Variants in NME8 observed in about 807,000 individuals in gnomAD.
NME8 encodes protein NME8.
NME8 carries 72 observed loss-of-function variants against 82.3 expected under a neutral mutation model. The observed-to-expected ratio is 0.87, with a 90% CI of 0.72 to 1.06. NME8 has a LOEUF of 1.06. Among genes scored for constraint, NME8 ranks in the 50% least tolerant of loss-of-function variants. NME8 has a pLI of 0.00. For missense variants in NME8, 712 were observed against 685.4 expected (o/e 1.04, Z -0.43); for synonymous variants, 267 against 228.5 (o/e 1.17, Z -1.52).
chr7:37,853,648 G>T (rs1421070990), intron 5 of NME8, among the ~76,000 whole-genome samples: 1 of 152,098 alleles, frequency 6.6e-6, no homozygotes, highest in Non-Finnish European at 1.5e-5. Flanking sequence ...AAAGGTGAAA[G>T]AAAATTATAT....
rs766933294 is a variant in NME8 at position 37,857,334 on chromosome 7, CT to C, written c.260del (p.Leu87ProfsTer27). 9 of 1,607,096 alleles carry C rather than the reference CT, an allele frequency of 5.6e-6. No homozygotes were observed. The highest frequency in any genetic ancestry group is 1.3e-5 in the African/African-American group (1 of 74,834). ...TAGAGATAAATGTGAACCTGTTTTT[CT>C]CTTTAGTGTTGTAAGTATATTTACT... is the stretch of plus-strand genomic sequence containing the variant. The part of the protein sequence containing the change: ...PFRDKCEPVF[L>X]FSVNGKIIEK... On this transcript the variant is annotated frameshift_variant, in exon 6 of 18. Transcript: ENST00000199447. LOFTEE classifies it high-confidence loss of function.
At chr7:37,890,193 TG>T (rs2131971946) in intron 15 of NME8, among the ~76,000 whole-genome samples, 1 of 152,110 alleles carries the variant, frequency 6.6e-6, no homozygotes, top group African/African-American at 2.4e-5. Flanking sequence ...TTTTTAGGCT[TG>T]TCTCACACAT....
rs981830782 is a variant in NME8, at chr7:37,857,355, T to C, written c.270+10T>C. ...TTTTCTCTTTAGTGTTGTAAGTATA[T>C]TTACTTTCTCAATTGCATTATCAGA... On this transcript the variant is annotated intron_variant, in intron 6 of 17. Coordinates refer to ENST00000199447, the MANE Select transcript of NME8 (RefSeq NM_016616.5). 26 of 1,566,042 alleles carry C rather than the reference T, an allele frequency of 1.7e-5. No individual in the cohort carries two copies. The highest frequency in any genetic ancestry group is 2.2e-5 in the Non-Finnish European group (25 of 1,137,330).
At chr7:37,865,750 T>C (rs1377760007) in intron 10 of NME8, 133 bp downstream of exon 10, 1 of 674,402 alleles carries the variant, frequency 1.5e-6, no homozygotes, top group Non-Finnish European at 2.7e-6. Context: ...TCCCTGTTGG[T>C]GTCCATATCA....
At chr7:37,880,457 C>G (rs1203745886) in intron 12 of NME8, among the ~76,000 whole-genome samples, 1 of 152,182 alleles carries the variant, frequency 6.6e-6, no homozygotes, top group Non-Finnish European at 1.5e-5. Flanking sequence ...ACAAGACTGT[C>G]CTTCCTCCAT....
chr7:37,848,994 C>G lies in NME8; in HGVS notation c.-70C>G, dbSNP rs1784400680. On this transcript the variant is annotated 5_prime_UTR_variant, in exon 2 of 18. Coordinates refer to ENST00000199447, the MANE Select transcript of NME8 (RefSeq NM_016616.5). Reference sequence around the variant, plus strand: ...CAACGAGGGAGCCGATTTAGATCCTCTGGGCCTGTTCCTTCCTTTTCTTTA... The same window carrying G: ...CAACGAGGGAGCCGATTTAGATCCTGTGGGCCTGTTCCTTCCTTTTCTTTA... 6.6e-6 allele frequency: 1 copy of G among 152,336 alleles called. No homozygotes were observed. Among genetic ancestry groups the G allele is most frequent in the African/African-American group, 2.4e-5 (1 of 41,470 alleles). 9.4% of individuals were successfully genotyped at this position (152,336 alleles called of 1,614,324 possible). A position where few individuals can be genotyped will look rare whatever the true frequency, so the allele number is the denominator to read the frequency against.
intron 17 of NME8, among the ~76,000 whole-genome samples, chr7:37,897,456 T>G (rs1218068909): frequency 6.6e-6 from 1 of 152,204 alleles, no homozygotes; most frequent in Non-Finnish European, 1.5e-5. Flanking sequence ...GCAGTCCCTC[T>G]ACTCAGCTCC....
Position 37,857,357 on chromosome 7 carries a change from T to C in NME8, c.270+12T>C, listed in dbSNP as rs767379954. On this transcript the variant is annotated intron_variant, in intron 6 of 17. Transcript: ENST00000199447. Reference sequence around the variant, plus strand: ...TTCTCTTTAGTGTTGTAAGTATATTTACTTTCTCAATTGCATTATCAGATT... The same window carrying C: ...TTCTCTTTAGTGTTGTAAGTATATTCACTTTCTCAATTGCATTATCAGATT... The C allele has an allele frequency of 1.2e-5, 18 of 1,550,358 alleles. No homozygotes were observed. The South Asian group carries it at 1.7e-4, about 14-fold the overall frequency.
At chr7:37,894,639 T>G in intron 16 of NME8, 29 bp downstream of exon 16, 5 of 1,534,562 alleles carry the variant, frequency 3.3e-6, no homozygotes, top group Non-Finnish European at 4.5e-6. Context: ...ATTGTTTGCA[T>G]TATAAAAGTG....
intron 5 of NME8, among the ~76,000 whole-genome samples, chr7:37,854,177 T>C (rs374787341): frequency 6.6e-6 from 1 of 152,194 alleles, no homozygotes; most frequent in Non-Finnish European, 1.5e-5. Context: ...ATTCTGTATG[T>C]TATGTGTATT....
chr7:37,886,298 G>A (rs774785838), intron 14 of NME8, among the ~76,000 whole-genome samples: 12 of 152,188 alleles, frequency 7.9e-5, no homozygotes, highest in Admixed American at 3.3e-4. Flanking sequence ...GCCTGTGCCA[G>A]TAGGCACACT....
At position 37,882,627 on chromosome 7, in the gene NME8, G is replaced by GAA. The variant is rs1285897892; in HGVS notation, c.995-1674_995-1673dup. Reference sequence around the variant, plus strand: ...AGAGAGAGAGAGAGAAAGAAAGAAAGAAAGAAAGAAAGAAAGAGAAAGAAA... The same window carrying GAA: ...AGAGAGAGAGAGAGAAAGAAAGAAAGAAAAAGAAAGAAAGAAAGAGAAAGAAA... On this transcript the variant is annotated intron_variant, in intron 12 of 17. Coordinates refer to ENST00000199447, the MANE Select transcript of NME8 (RefSeq NM_016616.5). 5.2e-4 allele frequency among the ~76,000 whole-genome samples: 73 copies of GAA among 139,474 alleles called. 2 individuals carry two copies. In the East Asian group the frequency reaches 0.011, roughly 21 times the overall value. The allele number at this position is 139,474 out of a possible 152,430, so 91.5% of individuals were successfully genotyped here.
chr7:37,862,125 G>T lies in NME8; in HGVS notation c.368G>T (p.Gly123Val), dbSNP rs776436705. The change falls in exon 7 of 18, where the codon GGT becomes GTT. Residue 123 changes from glycine to valine, a missense_variant. Physicochemically the swap from Gly to Val is moderately radical, Grantham distance 109 (BLOSUM62 -3). Coordinates refer to ENST00000199447, the MANE Select transcript of NME8 (RefSeq NM_016616.5). ...GATGAGGAGAGAAAAATTGCAGCAG[G>T]TGAAATGGCTCGACCTCAGGTAATA... ...LIDEERKIAA[G>V]EMARPQYPEI... The T allele has an allele frequency of 1.2e-6, 2 of 1,611,540 alleles. No individual in the cohort carries two copies. The highest frequency in any genetic ancestry group is 2.7e-5 in the African/African-American group (2 of 74,982).
chr7:37,863,319 C>A (rs1175584561), intron 7 of NME8, 77 bp from the exon 8 acceptor site: 2 of 843,430 alleles, frequency 2.4e-6, no homozygotes, highest in Non-Finnish European at 4.1e-6. Flanking sequence ...TTACTAGATA[C>A]AAAATTTCTA....
At chr7:37,876,805 CTTAAA>C in intron 11 of NME8, 22 bp from the exon 12 acceptor site, 2 of 1,535,138 alleles carry the variant, frequency 1.3e-6, no homozygotes, top group Non-Finnish European at 1.8e-6. Context: ...TTATAATAAT[CTTAAA>C]TTATATTTTG....
At chr7:37,894,445 T>G (rs1276180223) in intron 15 of NME8, 21 bp from the exon 16 acceptor site, 1 of 1,607,804 alleles carries the variant, frequency 6.2e-7, no homozygotes. Flanking sequence ...TGCAATATTA[T>G]CAAATATTTG....
At chr7:37,879,591 G>T (rs1035236833) in intron 12 of NME8, among the ~76,000 whole-genome samples, 1 of 152,176 alleles carries the variant, frequency 6.6e-6, no homozygotes, top group Middle Eastern at 3.2e-3. Flanking sequence ...TATTTGTGTA[G>T]TTACCTATAG....
rs1203420442 is a variant in NME8 at position 37,864,250 on chromosome 7, G to A, written c.455-98G>A. The A allele has an allele frequency of 2.1e-6, 3 of 1,408,520 alleles. No homozygotes were observed. The East Asian group carries it at 7.7e-5, about 36-fold the overall frequency. The allele number at this position is 1,408,520 out of a possible 1,614,324, so 87.3% of individuals were successfully genotyped here. ...AGCTATCAATGGGCAACAATTAACT[G>A]ATCATTAGAAATTTACATTGCTAAT... On this transcript the variant is annotated intron_variant, in intron 8 of 17. Coordinates refer to ENST00000199447, the MANE Select transcript of NME8 (RefSeq NM_016616.5).
intron 11 of NME8, among the ~76,000 whole-genome samples, chr7:37,871,914 A>T (rs1784772288): frequency 6.6e-6 from 1 of 151,910 alleles, no homozygotes; most frequent in Non-Finnish European, 1.5e-5. Flanking sequence ...CTATACCCTG[A>T]CTCTACTCCC....
Sources: gnomAD v4.1 joint callset for allele counts (sites outside exome capture counted in the v4.1 genomes callset) on GRCh38, gnomAD v4.1.1 for gene constraint, MANE v1.5 for transcripts, NCBI Gene and HGNC (gene_info 2026-07-23, HGNC 2026-07-21) for gene names.